MTA3: variants seen among roughly 807,000 people sequenced by gnomAD.
The protein encoded by MTA3 is metastasis associated 1 family member 3.
A neutral mutation model predicts 83.5 loss-of-function variants in MTA3; 34 were observed. The observed-to-expected ratio is 0.41, with a 90% CI of 0.31 to 0.54. The LOEUF is 0.54. Ranked by LOEUF, MTA3 falls within the 20% of genes least tolerant of loss-of-function variation. The pLI is 0.33. For missense variants in MTA3, 761 were observed against 726.4 expected, an observed-to-expected ratio of 1.05 and a Z score of -0.55; for synonymous variants, 303 against 252.7, an observed-to-expected ratio of 1.20 and a Z score of -1.89.
chr2:42,675,710 G>A (rs1035663938), intron 8 of MTA3, among the ~76,000 whole-genome samples: 5 of 152,056 alleles, frequency 3.3e-5, no homozygotes, highest in Non-Finnish European at 7.4e-5. Flanking sequence ...CTGATAAACC[G>A]CAAGTCGTTG....
At chr2:42,503,807 C>T (rs1674503508) in intron 2 of MTA3, among the ~76,000 whole-genome samples, 3 of 151,772 alleles carry the variant, frequency 2.0e-5, no homozygotes, top group Admixed American at 2.0e-4. Flanking sequence ...CCCAGGAGTT[C>T]GAGACCAGCC....
intron 16 of MTA3, among the ~76,000 whole-genome samples, chr2:42,729,398 G>A (rs529259205): frequency 7.9e-5 from 12 of 152,204 alleles, no homozygotes; most frequent in African/African-American, 2.9e-4. Context: ...ACTGCGCCCA[G>A]CCCAGAGTTT....
chr2:42,728,474 A>G (rs966481804), intron 16 of MTA3, among the ~76,000 whole-genome samples: 18 of 152,152 alleles, frequency 1.2e-4, no homozygotes, highest in African/African-American at 3.9e-4. Context: ...GCTGGATCAT[A>G]TGGTAGTTCT....
intron 2 of MTA3, among the ~76,000 whole-genome samples, chr2:42,547,778 TAAAG>T (rs912164246): frequency 9.2e-5 from 14 of 152,314 alleles, no homozygotes; most frequent in African/African-American, 3.1e-4. Flanking sequence ...AGGACTCAAA[TAAAG>T]AAGTACAGAG....
At position 42,708,876 on chromosome 2, in the gene MTA3, C is replaced by T. The variant is rs769868453; in HGVS notation, c.1305C>T (p.Asp435=). 3 of 1,613,730 alleles carry T rather than the reference C, an allele frequency of 1.9e-6. No individual in the cohort carries two copies. In the African/African-American group the frequency reaches 4.0e-5, roughly 22 times the overall value. The change falls in exon 14 of 17, where the codon GAC becomes GAT. Residue 435 remains aspartate (D), a splice_region_variant and synonymous_variant. Transcript: ENST00000405094. ...TTTGTTGTTTTCTGATTTTGCAGGA[C>T]CCTCGTGTTAGAAGTCACGTGTCCC... is the stretch of plus-strand genomic sequence containing the variant. The part of the protein sequence containing the change: ...EKLSPSPTTE[D]PRVRSHVSRQ...
intron 3 of MTA3, among the ~76,000 whole-genome samples, chr2:42,601,270 C>G (rs1057040059): frequency 1.3e-5 from 2 of 152,178 alleles, no homozygotes; most frequent in Non-Finnish European, 2.9e-5. Flanking sequence ...TTGGAAACAG[C>G]CTGATGTTTG....
Position 42,753,705 on chromosome 2 carries a change from G to T in MTA3, c.*306G>T. The T allele has an allele frequency of 8.2e-7, 1 of 1,214,710 alleles. No homozygotes were observed. The highest frequency in any genetic ancestry group is 1.0e-6 in the Non-Finnish European group (1 of 967,018). 75.2% of individuals were successfully genotyped at this position (1,214,710 alleles called of 1,614,324 possible). On this transcript the variant is annotated 3_prime_UTR_variant, in exon 17 of 17. Coordinates refer to ENST00000405094, the MANE Select transcript of MTA3 (RefSeq NM_001330442.2). Reference sequence around the variant, plus strand: ...CACCTCCTCCCTTCTGCAGCGCCCTGCGCCCCACCCAGCAACAGCGGCCAC... The same window carrying T: ...CACCTCCTCCCTTCTGCAGCGCCCTTCGCCCCACCCAGCAACAGCGGCCAC...
intron 16 of MTA3, among the ~76,000 whole-genome samples, chr2:42,737,565 A>C (rs753668851): frequency 2.5e-4 from 38 of 152,142 alleles, no homozygotes; most frequent in Non-Finnish European, 5.3e-4. Context: ...TTGTGTAGCT[A>C]GTTCTTCAAT....
intron 16 of MTA3, among the ~76,000 whole-genome samples, chr2:42,746,121 C>T (rs781102743): frequency 2.0e-5 from 3 of 152,060 alleles, no homozygotes; most frequent in Non-Finnish European, 4.4e-5. Flanking sequence ...CAAAATGGTC[C>T]TCTTTATCTC....
At chr2:42,703,044 C>CT (rs1364383817) in intron 11 of MTA3, 2 of 152,104 alleles carry the variant, frequency 1.3e-5, no homozygotes, top group Non-Finnish European at 2.9e-5. Flanking sequence ...ACTGCAGCCT[C>CT]TAACTCCTGG....
intron 16 of MTA3, among the ~76,000 whole-genome samples, chr2:42,738,792 GC>G (rs1272995560): frequency 6.6e-6 from 1 of 152,204 alleles, no homozygotes; most frequent in Non-Finnish European, 1.5e-5. Context: ...CTCTGAACTG[GC>G]CCCCCAGGGC....
At chr2:42,592,151 C>G (rs1157745432) in intron 3 of MTA3, among the ~76,000 whole-genome samples, 2 of 152,068 alleles carry the variant, frequency 1.3e-5, no homozygotes, top group Non-Finnish European at 1.5e-5. Flanking sequence ...GTAGTCCCAG[C>G]TAAGGGAGGC....
At chr2:42,698,324 A>G (rs576057415) in intron 11 of MTA3, 5 of 151,940 alleles carry the variant, frequency 3.3e-5, no homozygotes, top group Non-Finnish European at 7.4e-5. Context: ...CTAGTGTTCT[A>G]TCATTATTAT....
chr2:42,621,898 A>G (rs1167328811), intron 4 of MTA3, among the ~76,000 whole-genome samples: 2 of 140,878 alleles, frequency 1.4e-5, no homozygotes, highest in Non-Finnish European at 3.0e-5. Flanking sequence ...CTAGACGGGA[A>G]GAGGCGCTCC....
chr2:42,514,099 C>G (rs938337477), intron 2 of MTA3, among the ~76,000 whole-genome samples: 1 of 152,078 alleles, frequency 6.6e-6, no homozygotes, highest in Non-Finnish European at 1.5e-5. Context: ...TGTGGTCCCA[C>G]CTACTTGGGA....
intron 2 of MTA3, among the ~76,000 whole-genome samples, chr2:42,499,050 T>A (rs1674275285): frequency 6.6e-6 from 1 of 152,142 alleles, no homozygotes; most frequent in African/African-American, 2.4e-5. Context: ...GAGGTATAAG[T>A]CAAAGGGTAT....
Position 42,641,244 on chromosome 2 carries a change from G to A in MTA3, c.381+1008G>A, listed in dbSNP as rs1286594554. 4.8e-5 allele frequency among the ~76,000 whole-genome samples: 7 copies of A among 145,626 alleles called. No individual in the cohort carries two copies. In the South Asian group the frequency reaches 1.5e-3, roughly 32 times the overall value. ...TTTTTTTTTTAAATCTTATACTCAAGTGTTGCCCATTTATCTCAAATGAAG... is the reference window on the plus strand; with the variant it reads ...TTTTTTTTTTAAATCTTATACTCAAATGTTGCCCATTTATCTCAAATGAAG... On this transcript the variant is annotated intron_variant, in intron 5 of 16. Transcript: ENST00000405094.
At chr2:42,586,028 A>C (rs563494884) in intron 3 of MTA3, among the ~76,000 whole-genome samples, 1 of 152,224 alleles carries the variant, frequency 6.6e-6, no homozygotes, top group African/African-American at 2.4e-5. Flanking sequence ...TCATGCCTCT[A>C]ATCCCAGCAC....
At chr2:42,575,251 C>A (rs1031739427) in intron 2 of MTA3, among the ~76,000 whole-genome samples, 1 of 152,132 alleles carries the variant, frequency 6.6e-6, no homozygotes, top group Non-Finnish European at 1.5e-5. Context: ...TTTTCCATAT[C>A]ATTTATCACC....
Sources: allele counts gnomAD v4.1 joint callset (sites outside exome capture counted in the v4.1 genomes callset), GRCh38; gene constraint gnomAD v4.1.1; transcripts MANE v1.5; gene names NCBI Gene and HGNC (gene_info 2026-07-23, HGNC 2026-07-21).